Variants in ANKRD13C observed in about 807,000 individuals in gnomAD.
ANKRD13C encodes ankyrin repeat domain-containing protein 13C.
In ANKRD13C, 16 loss-of-function variants were observed where a neutral mutation model predicts 65.5. That is an observed-to-expected ratio of 0.24 (90% CI 0.17 to 0.37). ANKRD13C has a LOEUF of 0.37. ANKRD13C is among the 10% of genes least tolerant of loss of function. ANKRD13C has a pLI of 1.00. For synonymous variants in ANKRD13C, 235 were observed against 238.7 expected, an observed-to-expected ratio of 0.98 and a Z score of 0.14; for missense variants, 503 against 655.9, an observed-to-expected ratio of 0.77 and a Z score of 2.55.
At chr1:70,343,830 A>T (rs1253951699) in intron 1 of ANKRD13C, among the ~76,000 whole-genome samples, 1 of 152,138 alleles carries the variant, frequency 6.6e-6, no homozygotes, top group Non-Finnish European at 1.5e-5. Flanking sequence ...GAGCCACCGC[A>T]CCAGGCTAAC....
rs550325245 is a variant in ANKRD13C at position 70,294,332 on chromosome 1, G to A, written c.1054-1783C>T. ...GGCAGTGGCCAAGGAGGGCTTTTTA[G>A]CTTTATGTATAAAGTTAAATGATAA... On this transcript the variant is annotated intron_variant, in intron 8 of 12. Coordinates refer to ENST00000370944, the MANE Select transcript of ANKRD13C (RefSeq NM_030816.5). Among the ~76,000 whole-genome samples the A allele has an allele frequency of 8.5e-5, 13 of 152,324 alleles. No individual in the cohort carries two copies. The South Asian group carries it at 2.5e-3, about 29-fold the overall frequency.
At chr1:70,266,274 A>G (rs1271723033) in intron 12 of ANKRD13C, among the ~76,000 whole-genome samples, 2 of 152,234 alleles carry the variant, frequency 1.3e-5, no homozygotes, top group African/African-American at 2.4e-5. Context: ...TCTACTCAGT[A>G]TAATTCTCAA....
chr1:70,315,360 G>T, intron 4 of ANKRD13C, 121 bp downstream of exon 4: 1 of 708,516 alleles, frequency 1.4e-6, no homozygotes, highest in Non-Finnish European at 2.3e-6. Context: ...ATTTAAGCAT[G>T]ATTTTTACCA....
rs1678326501 is a variant in ANKRD13C, at chr1:70,259,538, CAT to C, written c.*3177_*3178del. Among the ~76,000 whole-genome samples the C allele has an allele frequency of 6.6e-6, 1 of 152,164 alleles. No homozygotes were observed. Among genetic ancestry groups the C allele is most frequent in the Non-Finnish European group, 1.5e-5 (1 of 68,020 alleles). ...ATGATGTAAAAAATGTGATTCTTAA[CAT>C]GTTATGAAATTTTTAGGTGGCAACC... On this transcript the variant is annotated 3_prime_UTR_variant, in exon 13 of 13. Transcript: ENST00000370944.
rs776222164 is a variant in ANKRD13C, at chr1:70,300,829, C to T, written c.856G>A (p.Ala286Thr). Residue 286 changes from alanine to threonine, a missense_variant, in exon 7 of 13, where the codon GCG becomes ACG. This residue lies in a region of ANKRD13C where 300 missense variants were observed against 478.3 expected (regional missense o/e 0.63). Coordinates refer to ENST00000370944, the MANE Select transcript of ANKRD13C (RefSeq NM_030816.5). ...DLSFIFNGDA[A>T]PSESFVVLDN... ...AATACTACAAAAGATTCAGAGGGCG[C>T]CGCATCCCCATTGAAAATGAAGCTT... 6.2e-7 allele frequency: 1 copy of T among 1,613,374 alleles called. No homozygotes were observed. The highest frequency in any genetic ancestry group is 8.5e-7 in the Non-Finnish European group (1 of 1,179,806).
In ANKRD13C at chr1:70,321,440, T is replaced by C. The variant is rs114429572; in HGVS notation, c.577+3413A>G. On this transcript the variant is annotated intron_variant, in intron 3 of 12. Coordinates refer to ENST00000370944, the MANE Select transcript of ANKRD13C (RefSeq NM_030816.5). ...GATGGCAAACCAATATGAACTGCTG[T>C]CTCTTCCTCCACATTAACACCTTTG... Among the ~76,000 whole-genome samples, 579 of 152,302 alleles carry C rather than the reference T, an allele frequency of 3.8e-3. 3 individuals carry two copies. The highest frequency in any genetic ancestry group is 0.013 in the African/African-American group (530 of 41,558).
At chr1:70,278,304 C>T (rs1267526881) in intron 9 of ANKRD13C, among the ~76,000 whole-genome samples, 3 of 151,768 alleles carry the variant, frequency 2.0e-5, no homozygotes, top group Non-Finnish European at 2.9e-5. Context: ...ACCAGCCTGG[C>T]CTATATGGTG....
chr1:70,323,835 G>A (rs1681421548), intron 3 of ANKRD13C, among the ~76,000 whole-genome samples: 3 of 150,270 alleles, frequency 2.0e-5, no homozygotes, highest in Non-Finnish European at 4.4e-5. Context: ...GGCGATTCTC[G>A]TGCCTCAGCC....
intron 9 of ANKRD13C, among the ~76,000 whole-genome samples, chr1:70,285,855 C>T (rs1292381870): frequency 1.3e-5 from 2 of 152,114 alleles, no homozygotes; most frequent in Admixed American, 6.6e-5. Flanking sequence ...GAACTCCTGA[C>T]CTCAAGTGAT....
At chr1:70,270,508 G>A (rs1356535030) in intron 12 of ANKRD13C, among the ~76,000 whole-genome samples, 1 of 152,162 alleles carries the variant, frequency 6.6e-6, no homozygotes, top group African/African-American at 2.4e-5. Context: ...CCACAGACTG[G>A]TGGGGACTGG....
intron 5 of ANKRD13C, among the ~76,000 whole-genome samples, chr1:70,310,808 C>T (rs982837279): frequency 6.6e-6 from 1 of 152,070 alleles, no homozygotes; most frequent in Admixed American, 6.5e-5. Context: ...GGGGTCTCCC[C>T]ACATGGGAAA....
Position 70,294,753 on chromosome 1 carries a change from G to T in ANKRD13C, c.1053+1377C>A, listed in dbSNP as rs115156549. 3.8e-3 allele frequency among the ~76,000 whole-genome samples: 575 copies of T among 151,772 alleles called. 3 individuals are homozygous for T. Among genetic ancestry groups the T allele is most frequent in the African/African-American group, 0.013 (527 of 41,356 alleles). On this transcript the variant is annotated intron_variant, in intron 8 of 12. Coordinates refer to ENST00000370944, the MANE Select transcript of ANKRD13C (RefSeq NM_030816.5). ...TAATCGTCTCACCTCATCCTTCCAA[G>T]CACCTGCGACTATAGGCTTGTGCCA...
chr1:70,335,267 G>A (rs1345030333), intron 2 of ANKRD13C, among the ~76,000 whole-genome samples: 8 of 151,616 alleles, frequency 5.3e-5, no homozygotes, highest in African/African-American at 1.2e-4. Flanking sequence ...TTAGCCAGGC[G>A]TGGTGGCATG....
At chr1:70,347,297 C>T (rs1682573747) in intron 1 of ANKRD13C, among the ~76,000 whole-genome samples, 1 of 152,034 alleles carries the variant, frequency 6.6e-6, no homozygotes, top group African/African-American at 2.4e-5. Flanking sequence ...GTTTGTCTGC[C>T]TGGCCCCCAT....
At chr1:70,333,413 G>A (rs998566321) in intron 2 of ANKRD13C, among the ~76,000 whole-genome samples, 1 of 151,876 alleles carries the variant, frequency 6.6e-6, no homozygotes, top group Non-Finnish European at 1.5e-5. Context: ...GTCAATCATG[G>A]CCTGCCCTAT....
chr1:70,350,750 G>A (rs1253799465), intron 1 of ANKRD13C, among the ~76,000 whole-genome samples: 1 of 152,238 alleles, frequency 6.6e-6, no homozygotes, highest in South Asian at 2.1e-4. Flanking sequence ...AGAGGTTCAT[G>A]ATATGCTTTG....
At chr1:70,269,532 A>C (rs1389936689) in intron 12 of ANKRD13C, among the ~76,000 whole-genome samples, 1 of 152,178 alleles carries the variant, frequency 6.6e-6, no homozygotes, top group East Asian at 1.9e-4. Context: ...TGGAGTTTTA[A>C]ACTTCTGCAG....
At chr1:70,311,096 C>T (rs1396360445) in intron 5 of ANKRD13C, among the ~76,000 whole-genome samples, 3 of 152,272 alleles carry the variant, frequency 2.0e-5, no homozygotes, top group South Asian at 2.1e-4. Flanking sequence ...GGATTAAACA[C>T]ACTAGAAAAA....
intron 2 of ANKRD13C, among the ~76,000 whole-genome samples, chr1:70,332,911 C>T (rs1036130215): frequency 3.3e-5 from 5 of 152,132 alleles, no homozygotes; most frequent in African/African-American, 9.7e-5. Flanking sequence ...GGCAGATAGG[C>T]TTCATTTCAC....
Sources: gnomAD v4.1 joint callset for allele counts (sites outside exome capture counted in the v4.1 genomes callset) on GRCh38, gnomAD v4.1.1 for gene constraint, gnomAD v4.1.1 regional missense constraint, MANE v1.5 for transcripts, NCBI Gene and HGNC (gene_info 2026-07-23, HGNC 2026-07-21) for gene names.